The following MCF2L2 variants were observed in gnomAD, a reference collection of about 807,000 sequenced individuals.
MCF2L2 encodes the protein MCF.2 cell line derived transforming sequence-like 2.
Under a neutral mutation model 150.2 loss-of-function variants are expected in MCF2L2, and 102 were observed. The ratio of observed to expected loss-of-function variants is 0.68; its 90% CI spans 0.58 to 0.80. The LOEUF (loss-of-function observed/expected upper bound fraction) is 0.80. Among genes scored for constraint, MCF2L2 ranks in the 30% least tolerant of loss-of-function variants. The probability of loss-of-function intolerance (pLI) is 0.00; values close to 1 mark genes in which losing one functional copy is unlikely to be tolerated. For missense variants in MCF2L2, 1,256 were observed against 1,372.8 expected, an observed-to-expected ratio of 0.91 and a Z score of 1.34; for synonymous variants, 465 against 491.3, an observed-to-expected ratio of 0.95 and a Z score of 0.71.
chr3:183,350,820 T>C (rs1673308923), intron 3 of MCF2L2, among the ~76,000 whole-genome samples: 1 of 150,928 alleles, frequency 6.6e-6, no homozygotes, highest in African/African-American at 2.4e-5. Flanking sequence ...TGGAGAATGG[T>C]GTGAACCCGG....
chr3:183,220,696 CAAA>C (rs1402377550), intron 20 of MCF2L2, among the ~76,000 whole-genome samples: 25 of 152,160 alleles, frequency 1.6e-4, no homozygotes, highest in Non-Finnish European at 3.4e-4. Flanking sequence ...ACCATTTAAT[CAAA>C]AATCTTTACC....
chr3:183,287,229 T>C (rs1330045491), intron 14 of MCF2L2, among the ~76,000 whole-genome samples: 1 of 152,206 alleles, frequency 6.6e-6, no homozygotes, highest in Non-Finnish European at 1.5e-5. Flanking sequence ...TCACTCTAAT[T>C]TGGATTCCTT....
chr3:183,199,693 T>C (rs953957579), intron 25 of MCF2L2, among the ~76,000 whole-genome samples: 3 of 151,846 alleles, frequency 2.0e-5, no homozygotes, highest in African/African-American at 7.3e-5. Context: ...TACATATGTA[T>C]ACATGTGCCA....
Position 183,231,081 on chromosome 3 carries a change from T to C in MCF2L2, c.1863-64A>G, listed in dbSNP as rs149177335. On this transcript the variant is annotated intron_variant, in intron 15 of 29. Coordinates refer to ENST00000328913, the MANE Select transcript of MCF2L2 (RefSeq NM_015078.4). ...AGACAGGGAGAGGAGAATGTTCTTTTAGAATTCTGTTAGAATAATGCTCAT... is the reference window on the plus strand; with the variant it reads ...AGACAGGGAGAGGAGAATGTTCTTTCAGAATTCTGTTAGAATAATGCTCAT... The C allele has an allele frequency of 5.1e-4, 621 of 1,216,596 alleles. 7 individuals carry two copies. In the South Asian group the frequency reaches 5.2e-3, roughly 10 times the overall value. The allele number at this position is 1,216,596 out of a possible 1,614,324, so 75.4% of individuals were successfully genotyped here. A position where few individuals can be genotyped will look rare whatever the true frequency, so the allele number is the denominator to read the frequency against.
intron 1 of MCF2L2, among the ~76,000 whole-genome samples, chr3:183,404,944 T>A (rs2108615730): frequency 6.6e-6 from 1 of 152,134 alleles, no homozygotes; most frequent in South Asian, 2.1e-4. Flanking sequence ...AAAATAACAT[T>A]GGGAAACTGG....
At chr3:183,352,991 G>C (rs753322444) in intron 3 of MCF2L2, among the ~76,000 whole-genome samples, 2 of 152,096 alleles carry the variant, frequency 1.3e-5, no homozygotes, top group African/African-American at 4.8e-5. Context: ...TATCCGCTTC[G>C]AGGTAACGAT....
At chr3:183,407,073 C>T (rs1314143888) in intron 1 of MCF2L2, among the ~76,000 whole-genome samples, 1 of 152,180 alleles carries the variant, frequency 6.6e-6, no homozygotes, top group African/African-American at 2.4e-5. Flanking sequence ...GTTTTGCACA[C>T]AGATGTCTAA....
intron 15 of MCF2L2, among the ~76,000 whole-genome samples, chr3:183,257,787 A>G (rs573452624): frequency 6.6e-5 from 10 of 152,138 alleles, no homozygotes; most frequent in Admixed American, 5.2e-4. Flanking sequence ...AACCACAGCT[A>G]AACTTTCTGA....
At chr3:183,304,885 C>T (rs1729027775) in intron 10 of MCF2L2, among the ~76,000 whole-genome samples, 1 of 152,128 alleles carries the variant, frequency 6.6e-6, no homozygotes, top group Non-Finnish European at 1.5e-5. Flanking sequence ...GAATGAATGA[C>T]AGACCTTTCC....
chr3:183,338,678 G>A (rs1730585241), intron 5 of MCF2L2, 122 bp downstream of exon 5: 1 of 990,668 alleles, frequency 1.0e-6, no homozygotes, highest in Admixed American at 3.0e-5. Context: ...GGTTCCCTCA[G>A]CCCAGAGAAC....
At chr3:183,372,356 A>G (rs752231002) in intron 3 of MCF2L2, 1 of 152,198 alleles carries the variant, frequency 6.6e-6, no homozygotes, top group South Asian at 2.1e-4. Flanking sequence ...CACTTATCAT[A>G]AAAAGAGGAC....
intron 7 of MCF2L2, among the ~76,000 whole-genome samples, chr3:183,316,115 C>G (rs1012419686): frequency 1.3e-5 from 2 of 152,174 alleles, no homozygotes; most frequent in Non-Finnish European, 2.9e-5. Flanking sequence ...TGGGCCTGTG[C>G]AACTGCAAAC....
Position 183,289,151 on chromosome 3 carries a change from T to C in MCF2L2, c.1745A>G (p.Lys582Arg), listed in dbSNP as rs1453327431. The part of the protein sequence containing the change: ...YTETELNSRG[K>R]EDDETKFEVK... The stretch of plus-strand genomic sequence containing the variant: ...TTCAAATTTAGTCTCATCATCTTCC[T>C]TTCCCCGGGAGTTCAACTCTGTCTC... The change falls in exon 14 of 30, where the codon AAG becomes AGG. Residue 582 changes from lysine (K) to arginine (R), a missense_variant. Coordinates refer to ENST00000328913, the MANE Select transcript of MCF2L2 (RefSeq NM_015078.4). 6.2e-7 allele frequency: 1 copy of C among 1,613,814 alleles called. No individual in the cohort carries two copies. The highest frequency in any genetic ancestry group is 8.5e-7 in the Non-Finnish European group (1 of 1,179,834).
chr3:183,301,782 G>A (rs1728860124), intron 10 of MCF2L2, among the ~76,000 whole-genome samples: 1 of 132,092 alleles, frequency 7.6e-6, no homozygotes, highest in South Asian at 2.5e-4. Context: ...GTGAGAGCTA[G>A]GCTCTGTCTC....
rs1311538690 is a variant in MCF2L2, at chr3:183,181,591, T to C, written c.3017-1432A>G. On this transcript the variant is annotated intron_variant, in intron 27 of 29. Transcript: ENST00000328913. This position sits in a 1 kb window ranked among gnomAD's most constrained non-coding sequence, Gnocchi z 4.3. ...TTAGAGAAGTCATCCAGCCCTGGGGTCCCCTTATGCCAGGAGCAAGCAGTG... is the reference window on the plus strand; with the variant it reads ...TTAGAGAAGTCATCCAGCCCTGGGGCCCCCTTATGCCAGGAGCAAGCAGTG... Among the ~76,000 whole-genome samples the C allele has an allele frequency of 6.6e-6, 1 of 151,906 alleles. No homozygotes were observed. Among genetic ancestry groups the C allele is most frequent in the Non-Finnish European group, 1.5e-5 (1 of 67,958 alleles).
intron 1 of MCF2L2, among the ~76,000 whole-genome samples, chr3:183,391,704 T>A (rs911938132): frequency 6.6e-6 from 1 of 152,204 alleles, no homozygotes; most frequent in Non-Finnish European, 1.5e-5. Context: ...ATAATTCTCT[T>A]GCTACGTTTC....
intron 3 of MCF2L2, among the ~76,000 whole-genome samples, chr3:183,369,449 T>G: frequency 6.6e-6 from 1 of 152,140 alleles, no homozygotes; most frequent in East Asian, 1.9e-4. Flanking sequence ...GGGCCAAATA[T>G]TCCACCCTCA....
At chr3:183,425,103 C>A (rs1381314776) in intron 1 of MCF2L2, among the ~76,000 whole-genome samples, 1 of 151,984 alleles carries the variant, frequency 6.6e-6, no homozygotes, top group African/African-American at 2.4e-5. Context: ...GAGGTTTGCA[C>A]AACGGCTAGT....
At chr3:183,222,659 C>G (rs957673194) in intron 20 of MCF2L2, among the ~76,000 whole-genome samples, 2 of 152,116 alleles carry the variant, frequency 1.3e-5, no homozygotes, top group Non-Finnish European at 1.5e-5. Context: ...ATAGTGGCCA[C>G]TGGGCAAGAG....
Sources: gnomAD v4.1 joint callset for allele counts (sites outside exome capture counted in the v4.1 genomes callset) on GRCh38, gnomAD v4.1.1 for gene constraint, Gnocchi (gnomAD v3.1) non-coding constraint, MANE v1.5 for transcripts, NCBI Gene and HGNC (gene_info 2026-07-23, HGNC 2026-07-21) for gene names.